The following SAXO1 variants were observed in gnomAD, a reference collection of about 807,000 sequenced individuals.
SAXO1 encodes the protein 4930500O09Rik.
A neutral mutation model predicts 17.5 loss-of-function variants in SAXO1; 21 were observed. The observed-to-expected ratio is 1.20, with a 90% CI of 0.85 to 1.72. The LOEUF is 1.72. Ranked by LOEUF, SAXO1 falls within the 40% of genes most tolerant of loss-of-function variation. The pLI, the probability that SAXO1 is intolerant of heterozygous loss-of-function variation, is 0.00. For synonymous variants in SAXO1, 274 were observed against 216.5 expected (o/e 1.27, Z -2.33); for missense variants, 843 against 596.0 (o/e 1.41, Z -4.32).
chr9:18,987,906 A>G (rs1833660910), intron 1 of SAXO1, among the ~76,000 whole-genome samples: 1 of 145,344 alleles, frequency 6.9e-6, no homozygotes, highest in Admixed American at 6.8e-5. Context: ...CAAAAAAAAA[A>G]AAAGAAAAAA....
At chr9:18,954,581 C>A (rs1194994123) in intron 1 of SAXO1, among the ~76,000 whole-genome samples, 1 of 152,158 alleles carries the variant, frequency 6.6e-6, no homozygotes, top group Non-Finnish European at 1.5e-5. Context: ...AAGCAATCCA[C>A]CTACCTCAGC....
chr9:19,008,597 G>A (rs62560425), intron 1 of SAXO1, among the ~76,000 whole-genome samples: 3 of 152,062 alleles, frequency 2.0e-5, no homozygotes, highest in Non-Finnish European at 2.9e-5. Flanking sequence ...ATACCTACCC[G>A]AATATTTATC....
At chr9:18,960,341 A>G (rs1425308676) in intron 1 of SAXO1, among the ~76,000 whole-genome samples, 1 of 151,862 alleles carries the variant, frequency 6.6e-6, no homozygotes, top group Admixed American at 6.6e-5. Context: ...GGAAGATACC[A>G]CTCTGGAATG....
chr9:18,953,778 T>G (rs1308128974), intron 1 of SAXO1, among the ~76,000 whole-genome samples: 1 of 152,146 alleles, frequency 6.6e-6, no homozygotes, highest in Non-Finnish European at 1.5e-5. Context: ...ATATACGTAT[T>G]TAATAGATGG....
chr9:19,020,705 T>C (rs1835193631), intron 1 of SAXO1, among the ~76,000 whole-genome samples: 1 of 152,188 alleles, frequency 6.6e-6, no homozygotes, highest in Non-Finnish European at 1.5e-5. Flanking sequence ...GCTTGCTATG[T>C]TCTTCTCACT....
chr9:19,000,604 GC>G, intron 1 of SAXO1, among the ~76,000 whole-genome samples: 1 of 152,372 alleles, frequency 6.6e-6, no homozygotes, highest in African/African-American at 2.4e-5. Context: ...CCTCTGCCCA[GC>G]CACTGTGCAA....
At position 19,025,758 on chromosome 9, in the gene SAXO1, A is replaced by C. The variant is rs549923231; in HGVS notation, c.38+7113T>G. On this transcript the variant is annotated intron_variant, in intron 1 of 3. Transcript: ENST00000380534. ...AAATAATCAGATATAAAAGTAAGCT[A>C]TATCAATCCCTTCATTAACAATTTT... 1.8e-4 allele frequency among the ~76,000 whole-genome samples: 27 copies of C among 152,372 alleles called. No homozygotes were observed. The Middle Eastern group carries it at 0.014, about 77-fold the overall frequency.
intron 1 of SAXO1, among the ~76,000 whole-genome samples, chr9:18,956,484 C>G (rs1832263820): frequency 6.6e-6 from 1 of 152,132 alleles, no homozygotes; most frequent in Non-Finnish European, 1.5e-5. Flanking sequence ...TCTGGATCCC[C>G]TGCTGAGCCT....
intron 1 of SAXO1, among the ~76,000 whole-genome samples, chr9:18,968,156 C>G (rs890167430): frequency 1.3e-5 from 2 of 152,244 alleles, no homozygotes; most frequent in Non-Finnish European, 2.9e-5. Flanking sequence ...CTGCATTGGT[C>G]TCACTGGGAG....
At chr9:19,038,029 G>A (rs1039065264), upstream of SAXO1, among the ~76,000 whole-genome samples, 2 of 152,206 alleles carry the variant, frequency 1.3e-5, no homozygotes, top group African/African-American at 2.4e-5. Context: ...CTGGTCATCA[G>A]AGAAATGCAA....
At chr9:18,945,280 G>A (rs1831741882) in intron 2 of SAXO1, among the ~76,000 whole-genome samples, 2 of 151,966 alleles carry the variant, frequency 1.3e-5, no homozygotes, top group South Asian at 4.2e-4. Flanking sequence ...AGACCCAACC[G>A]CTGCTTCTCA....
At chr9:18,972,284 A>G (rs897483213) in intron 1 of SAXO1, among the ~76,000 whole-genome samples, 1 of 152,226 alleles carries the variant, frequency 6.6e-6, no homozygotes, top group Non-Finnish European at 1.5e-5. Flanking sequence ...AGCTTTCTCT[A>G]ATCTTTGCAA....
chr9:19,033,892 G>A (rs1175650986), upstream of SAXO1, among the ~76,000 whole-genome samples: 1 of 152,110 alleles, frequency 6.6e-6, no homozygotes, highest in Non-Finnish European at 1.5e-5. Context: ...CTGGGCCACG[G>A]ACCACACTTT....
chr9:19,019,377 A>G (rs1450183171), intron 1 of SAXO1, among the ~76,000 whole-genome samples: 2 of 152,102 alleles, frequency 1.3e-5, no homozygotes, highest in African/African-American at 4.8e-5. Context: ...CTCCTGCCCA[A>G]TGTAGGAGCC....
In SAXO1 at chr9:18,928,042, T is replaced by G; in HGVS notation, c.*10A>C. 6.4e-7 allele frequency: 1 copy of G among 1,552,400 alleles called. No homozygotes were observed. Among genetic ancestry groups the G allele is most frequent in the Non-Finnish European group, 8.7e-7 (1 of 1,146,618 alleles). On this transcript the variant is annotated 3_prime_UTR_variant, in exon 4 of 4. Coordinates refer to ENST00000380534, the MANE Select transcript of SAXO1 (RefSeq NM_153707.4). ...GTACTGTGTAATTTCTAAATTACTATTTTTCAAAATCAGGCTAACACTTCC... is the reference window on the plus strand; with the variant it reads ...GTACTGTGTAATTTCTAAATTACTAGTTTTCAAAATCAGGCTAACACTTCC...
At chr9:18,991,457 A>G (rs146085419) in intron 1 of SAXO1, among the ~76,000 whole-genome samples, 2,741 of 152,278 alleles carry the variant, frequency 0.018, 85 homozygotes, top group African/African-American at 0.062. Flanking sequence ...TGAGCAAACT[A>G]TCACAAGGAC....
intron 1 of SAXO1, among the ~76,000 whole-genome samples, chr9:18,969,075 A>C (rs1005825500): frequency 6.6e-6 from 1 of 151,936 alleles, no homozygotes; most frequent in Non-Finnish European, 1.5e-5. Flanking sequence ...TTTTTGTCTA[A>C]ATTAAGGAAA....
chr9:19,036,152 G>A (rs1331257956), upstream of SAXO1, among the ~76,000 whole-genome samples: 7 of 151,326 alleles, frequency 4.6e-5, no homozygotes, highest in Middle Eastern at 3.4e-3. Flanking sequence ...AATACCTAAT[G>A]TAGATGATGG....
At position 18,933,418 on chromosome 9, in the gene SAXO1, T is replaced by A. The variant is rs1366885787; in HGVS notation, c.422-4363A>T. On this transcript the variant is annotated intron_variant, in intron 3 of 3. Transcript: ENST00000380534. ...TTTTAAATGAATTAAAAGAAAAAAA[T>A]ATCTTTTTAATGATTTAAGAAGAAA... Among the ~76,000 whole-genome samples, 3 of 152,194 alleles carry A rather than the reference T, an allele frequency of 2.0e-5. No individual in the cohort carries two copies. In the East Asian group the frequency reaches 5.8e-4, roughly 29 times the overall value.
Sources: allele counts gnomAD v4.1 joint callset (sites outside exome capture counted in the v4.1 genomes callset), GRCh38; gene constraint gnomAD v4.1.1; transcripts MANE v1.5; gene names NCBI Gene and HGNC (gene_info 2026-07-23, HGNC 2026-07-21).